Variants in DNM2 observed in about 807,000 individuals in gnomAD.
DNM2 encodes the protein dynamin-2.
DNM2 carries 15 observed loss-of-function variants against 99.0 expected under a neutral mutation model. The ratio of observed to expected loss-of-function variants is 0.15; its 90% confidence interval spans 0.10 to 0.23. DNM2 has a LOEUF of 0.23. Among genes scored for constraint, DNM2 ranks in the 10% least tolerant of loss-of-function variants. The pLI, the probability that DNM2 is intolerant of heterozygous loss-of-function variation, is 1.00. For synonymous variants in DNM2, 525 were observed against 481.2 expected (o/e 1.09, Z -1.19); for missense variants, 742 against 1,189.4 (o/e 0.62, Z 5.53).
chr19:10,753,163 G>A (rs2070258522), intron 1 of DNM2, among the ~76,000 whole-genome samples: 2 of 152,146 alleles, frequency 1.3e-5, no homozygotes, highest in African/African-American at 4.8e-5. Context: ...ATCATGAAAA[G>A]TTCTCAATGC....
rs759715177 is a variant in DNM2, at chr19:10,765,996, C to T, written c.235+6185C>T. 8.5e-5 allele frequency among the ~76,000 whole-genome samples: 13 copies of T among 152,184 alleles called. No homozygotes were observed. Among genetic ancestry groups the T allele is most frequent in the Non-Finnish European group, 1.5e-4 (10 of 68,040 alleles). On this transcript the variant is annotated intron_variant, in intron 2 of 20. Transcript: ENST00000389253. The surrounding 1 kb of genome is among the most constrained non-coding windows in gnomAD (Gnocchi z 4.4). ...GTTTGTGCTCCTGATGGGATTTGAT[C>T]GCAGTCATATGGGAGCCCCGGCACT...
intron 2 of DNM2, among the ~76,000 whole-genome samples, chr19:10,771,715 T>A (rs142408038): frequency 6.6e-6 from 1 of 152,286 alleles, no homozygotes; most frequent in East Asian, 1.9e-4. Context: ...TCAAATGGAC[T>A]CACCCTCTCT....
chr19:10,734,739 G>A (rs535464864), intron 1 of DNM2, among the ~76,000 whole-genome samples: 1 of 145,762 alleles, frequency 6.9e-6, no homozygotes, highest in Non-Finnish European at 1.5e-5. Context: ...TTTTTTTATC[G>A]AGATGGGGGT....
chr19:10,776,714 T>C lies in DNM2; in HGVS notation c.590-404T>C, dbSNP rs75907882. On this transcript the variant is annotated intron_variant, in intron 4 of 20. Coordinates refer to ENST00000389253, the MANE Select transcript of DNM2 (RefSeq NM_001005361.3). ...TTTTAGCCATTCAGGCAAGAGGTAGTCCTGGAAACAGTCGTGTCAAACTCA... is the reference window on the plus strand; with the variant it reads ...TTTTAGCCATTCAGGCAAGAGGTAGCCCTGGAAACAGTCGTGTCAAACTCA... Among the ~76,000 whole-genome samples the C allele has an allele frequency of 7.4e-3, 1,131 of 152,312 alleles. 13 individuals are homozygous for C. The highest frequency in any genetic ancestry group is 0.026 in the African/African-American group (1,076 of 41,562).
chr19:10,809,627 C>T (rs1050700808), intron 14 of DNM2: 2 of 152,422 alleles, frequency 1.3e-5, no homozygotes, highest in African/African-American at 2.4e-5. Context: ...AAGGAGCTCA[C>T]CTCTAGGCAG....
chr19:10,790,469 T>C (rs1418931462), intron 7 of DNM2, among the ~76,000 whole-genome samples: 3 of 152,072 alleles, frequency 2.0e-5, no homozygotes, highest in African/African-American at 7.2e-5. Context: ...ATGTATTTGG[T>C]GGTTTTTTTT....
chr19:10,719,125 A>G (rs991711935), intron 1 of DNM2, among the ~76,000 whole-genome samples: 1 of 152,020 alleles, frequency 6.6e-6, no homozygotes, highest in Non-Finnish European at 1.5e-5. Context: ...ATTCCTGGCT[A>G]GCGCTGGCTC....
intron 1 of DNM2, among the ~76,000 whole-genome samples, chr19:10,725,661 T>C (rs2069090881): frequency 6.6e-6 from 1 of 151,804 alleles, no homozygotes; most frequent in South Asian, 2.1e-4. Context: ...CTACTGGGAG[T>C]GGACTGAGAA....
chr19:10,781,303 G>T (rs2071361616), intron 5 of DNM2: 1 of 152,210 alleles, frequency 6.6e-6, no homozygotes, highest in Non-Finnish European at 1.5e-5. Context: ...AGGGATCTAG[G>T]TTCAGATCTT....
chr19:10,757,318 G>C (rs1003957418), intron 1 of DNM2, among the ~76,000 whole-genome samples: 1 of 152,164 alleles, frequency 6.6e-6, no homozygotes, highest in Non-Finnish European at 1.5e-5. Flanking sequence ...ACAGCCCCCC[G>C]GCTGACGGGC....
At chr19:10,758,799 G>A (rs1457485018) in intron 1 of DNM2, among the ~76,000 whole-genome samples, 3 of 152,032 alleles carry the variant, frequency 2.0e-5, no homozygotes, top group South Asian at 2.1e-4. Flanking sequence ...CGCCCACCTC[G>A]GCCTCCCCAA....
At chr19:10,722,884 C>T (rs1210295633) in intron 1 of DNM2, among the ~76,000 whole-genome samples, 1 of 152,042 alleles carries the variant, frequency 6.6e-6, no homozygotes, top group East Asian at 1.9e-4. Flanking sequence ...GCATCAGTCT[C>T]CCAACGTGCT....
At position 10,765,970 on chromosome 19, in the gene DNM2, T is replaced by C. The variant is rs1362401635; in HGVS notation, c.235+6159T>C. Among the ~76,000 whole-genome samples, 1 of 152,162 alleles carries C rather than the reference T, an allele frequency of 6.6e-6. No homozygotes were observed. The highest frequency in any genetic ancestry group is 1.9e-4 in the East Asian group (1 of 5,192). ...TTCCCTGAGACTAACAGCTGAGCCG[T>C]GTTTGTGCTCCTGATGGGATTTGAT... On this transcript the variant is annotated intron_variant, in intron 2 of 20. Coordinates refer to ENST00000389253, the MANE Select transcript of DNM2 (RefSeq NM_001005361.3). This position sits in a 1 kb window ranked among gnomAD's most constrained non-coding sequence, Gnocchi z 4.4.
Position 10,795,984 on chromosome 19 carries a change from A to G in DNM2, c.1196+545A>G. The G allele has an allele frequency of 6.2e-7, 1 of 1,605,912 alleles. No homozygotes were observed. Among genetic ancestry groups the G allele is most frequent in the East Asian group, 2.2e-5 (1 of 44,854 alleles). On this transcript the variant is annotated intron_variant, in intron 9 of 20. Transcript: ENST00000389253. This position sits in a 1 kb window ranked among gnomAD's most constrained non-coding sequence, Gnocchi z 4.2. Reference sequence around the variant, plus strand: ...TTCATTCCTTGTTGGGGACCCGGCCAGGGCCAATGAAATTGCTGACCATGC... The same window carrying G: ...TTCATTCCTTGTTGGGGACCCGGCCGGGGCCAATGAAATTGCTGACCATGC...
chr19:10,738,306 A>C (rs2069605023), intron 1 of DNM2, among the ~76,000 whole-genome samples: 1 of 152,326 alleles, frequency 6.6e-6, no homozygotes, highest in African/African-American at 2.4e-5. Context: ...GGAGACTTTC[A>C]TTGAGATCAG....
rs554316418 is a variant in DNM2, at chr19:10,815,163, C to T, written c.1671+2786C>T. Among the ~76,000 whole-genome samples, 9 of 152,150 alleles carry T rather than the reference C, an allele frequency of 5.9e-5. No homozygotes were observed. In the South Asian group the frequency reaches 6.3e-4, roughly 11 times the overall value. On this transcript the variant is annotated intron_variant, in intron 15 of 20. Transcript: ENST00000389253. ...CAAGGCTGTCCAGGGCCTGGCTCCG[C>T]GTCTCCTGTTGCCACCTTAACACAG...
At position 10,718,143 on chromosome 19, in the gene DNM2, C is replaced by G; in HGVS notation, c.-100C>G. 8.2e-7 allele frequency: 1 copy of G among 1,225,154 alleles called. No individual in the cohort carries two copies. The highest frequency in any genetic ancestry group is 1.0e-6 in the Non-Finnish European group (1 of 973,064). The allele number at this position is 1,225,154 out of a possible 1,614,324, so 75.9% of individuals were successfully genotyped here. A position where few individuals can be genotyped will look rare whatever the true frequency, so the allele number is the denominator to read the frequency against. On this transcript the variant is annotated 5_prime_UTR_variant, in exon 1 of 21. Coordinates refer to ENST00000389253, the MANE Select transcript of DNM2 (RefSeq NM_001005361.3). The stretch of plus-strand genomic sequence containing the variant: ...AGCGGGCGTCTTGCCGAGGCCCGGG[C>G]GGGCGGGGAGCAACGGCTACAGACG...
rs1348891052 is a variant in DNM2, at chr19:10,830,043, C to T, written c.2292-84C>T. On this transcript the variant is annotated intron_variant, in intron 19 of 20. Transcript: ENST00000389253. This position sits in a 1 kb window ranked among gnomAD's most constrained non-coding sequence, Gnocchi z 4.8. ...GCGCTGTCCCCATAGCCAGCCCCCA[C>T]CTCAGGTTCTGGCAGCCACAGTGGC... 7.5e-6 allele frequency: 12 copies of T among 1,591,272 alleles called. No homozygotes were observed. The highest frequency in any genetic ancestry group is 1.1e-5 in the South Asian group (1 of 90,668).
At chr19:10,823,711 G>C in intron 16 of DNM2, 77 bp from the exon 17 acceptor site, 1 of 1,439,808 alleles carries the variant, frequency 6.9e-7, no homozygotes, top group East Asian at 2.3e-5. Context: ...AAGACCCCTA[G>C]AGCCCATTCC....
Sources: gnomAD v4.1 joint callset for allele counts (sites outside exome capture counted in the v4.1 genomes callset) on GRCh38, gnomAD v4.1.1 for gene constraint, Gnocchi (gnomAD v3.1) non-coding constraint, MANE v1.5 for transcripts, NCBI Gene and HGNC (gene_info 2026-07-23, HGNC 2026-07-21) for gene names.